The following RBFOX1 variants were observed in gnomAD, a reference collection of about 807,000 sequenced individuals.
RBFOX1 encodes the protein RNA binding fox-1 homolog 1, also known as RNA binding protein fox-1 homolog 1.
In RBFOX1, 8 loss-of-function variants were observed where a neutral mutation model predicts 57.7. The observed-to-expected ratio is 0.14, with a 90% CI of 0.08 to 0.25. The LOEUF (loss-of-function observed/expected upper bound fraction) is 0.25, where lower values mean the gene tolerates loss of function less well. Ranked by LOEUF, RBFOX1 falls within the 10% of genes least tolerant of loss-of-function variation. The pLI is 1.00. For missense variants in RBFOX1, 611 were observed against 548.5 expected (o/e 1.11, Z -1.14); for synonymous variants, 326 against 222.4 (o/e 1.47, Z -4.15).
chr16:7,050,164 T>C (rs2049506588), intron 3 of RBFOX1, among the ~76,000 whole-genome samples: 1 of 151,824 alleles, frequency 6.6e-6, no homozygotes, highest in South Asian at 2.1e-4. Context: ...CTTTTTTTTT[T>C]TGGATATTTA....
At chr16:7,013,743 A>G (rs1019789145) in intron 3 of RBFOX1, among the ~76,000 whole-genome samples, 40 of 151,662 alleles carry the variant, frequency 2.6e-4, no homozygotes, top group African/African-American at 9.0e-4. Context: ...CTGCAGCCTC[A>G]AACTCCCAGG....
intron 14 of RBFOX1, among the ~76,000 whole-genome samples, chr16:7,691,708 T>C (rs2077377836): frequency 2.0e-5 from 3 of 152,156 alleles, no homozygotes; most frequent in Non-Finnish European, 4.4e-5. Context: ...GCTTTCCTGA[T>C]GTCTAGCACA....
At chr16:5,254,618 A>G (rs1399255572) in intron 1 of RBFOX1, among the ~76,000 whole-genome samples, 1 of 152,084 alleles carries the variant, frequency 6.6e-6, no homozygotes, top group Admixed American at 6.5e-5. Flanking sequence ...TCTGTTCGAG[A>G]TTGCTTAGAA....
chr16:6,978,762 C>A (rs2087811996), intron 3 of RBFOX1, among the ~76,000 whole-genome samples: 1 of 152,200 alleles, frequency 6.6e-6, no homozygotes, highest in Non-Finnish European at 1.5e-5. Flanking sequence ...CAGATTTGAA[C>A]CCCAGTGGCC....
At chr16:5,899,774 G>C (rs2058262191) in intron 4 of RBFOX1, among the ~76,000 whole-genome samples, 1 of 152,158 alleles carries the variant, frequency 6.6e-6, no homozygotes. Flanking sequence ...TGAAAGCTAT[G>C]GCGACAGTTC....
At chr16:7,312,410 G>A (rs2096335537) in intron 4 of RBFOX1, among the ~76,000 whole-genome samples, 1 of 152,166 alleles carries the variant, frequency 6.6e-6, no homozygotes, top group South Asian at 2.1e-4. Flanking sequence ...ATGAAACAAA[G>A]GAAGGCAATA....
intron 4 of RBFOX1, among the ~76,000 whole-genome samples, chr16:7,340,767 G>C (rs1311833024): frequency 6.6e-6 from 1 of 152,200 alleles, no homozygotes; most frequent in East Asian, 1.9e-4. Context: ...CTAGTGACTT[G>C]TCCTATTCTG....
intron 3 of RBFOX1, among the ~76,000 whole-genome samples, chr16:5,866,098 G>C (rs1486366924): frequency 1.3e-5 from 2 of 152,174 alleles, no homozygotes; most frequent in Non-Finnish European, 2.9e-5. Flanking sequence ...CTCCCGAGTA[G>C]CTGCGATTAC....
intron 2 of RBFOX1, among the ~76,000 whole-genome samples, chr16:6,567,736 G>T (rs1366918080): frequency 6.6e-6 from 1 of 152,098 alleles, no homozygotes. Flanking sequence ...TTGTCCCTCA[G>T]GGCCACATTT....
intron 5 of RBFOX1, among the ~76,000 whole-genome samples, chr16:7,551,152 G>A (rs1450332502): frequency 6.6e-6 from 1 of 150,840 alleles, no homozygotes; most frequent in Middle Eastern, 3.2e-3. Context: ...CCACGATAGA[G>A]TAACAGGGAC....
intron 4 of RBFOX1, among the ~76,000 whole-genome samples, chr16:5,941,815 G>C (rs1375564034): frequency 6.6e-6 from 1 of 151,806 alleles, no homozygotes; most frequent in Non-Finnish European, 1.5e-5. Context: ...GTCTTGCTCC[G>C]TGCGAAATAG....
At chr16:6,087,676 A>G (rs2096108427) in intron 1 of RBFOX1, among the ~76,000 whole-genome samples, 1 of 148,180 alleles carries the variant, frequency 6.7e-6, no homozygotes, top group Non-Finnish European at 1.5e-5. Flanking sequence ...TTTTTTTGAG[A>G]TGGAGTCTTG....
At chr16:7,045,510 A>C (rs2047602784) in intron 3 of RBFOX1, among the ~76,000 whole-genome samples, 1 of 152,152 alleles carries the variant, frequency 6.6e-6, no homozygotes, top group African/African-American at 2.4e-5. Context: ...GGAATATGAT[A>C]ATGTGGTGCC....
chr16:5,363,011 T>C (rs1338340505), intron 1 of RBFOX1, among the ~76,000 whole-genome samples: 1 of 151,732 alleles, frequency 6.6e-6, no homozygotes, highest in East Asian at 1.9e-4. Flanking sequence ...AAATATCTCT[T>C]TGAGATGATG....
Position 7,186,227 on chromosome 16 carries a change from CAT to C in RBFOX1, c.27+134131_27+134132del, listed in dbSNP as rs1050812454. ...ATGTGTATATAAATATTTATATAAACATAAACATATTTATATAAACATAAACA... is the reference window on the plus strand; with the variant it reads ...ATGTGTATATAAATATTTATATAAACAAACATATTTATATAAACATAAACA... On this transcript the variant is annotated intron_variant, in intron 4 of 15. Coordinates refer to ENST00000550418, the MANE Select transcript of RBFOX1 (RefSeq NM_018723.4). 4.6e-4 allele frequency among the ~76,000 whole-genome samples: 61 copies of C among 132,880 alleles called. 3 individuals are homozygous for C. In the East Asian group the frequency reaches 7.7e-3, roughly 17 times the overall value. The allele number at this position is 132,880 out of a possible 152,430, so 87.2% of individuals were successfully genotyped here.
chr16:7,265,958 GTTTTTGTTT>G (rs1273071871), intron 4 of RBFOX1, among the ~76,000 whole-genome samples: 6 of 107,596 alleles, frequency 5.6e-5, no homozygotes, highest in African/African-American at 2.3e-4. Context: ...GATCTGGTGG[GTTTTTGTTT>G]TTTTTTTTTT....
intron 3 of RBFOX1, among the ~76,000 whole-genome samples, chr16:6,792,795 C>T (rs1469991400): frequency 1.3e-5 from 2 of 152,112 alleles, no homozygotes; most frequent in African/African-American, 2.4e-5. Context: ...CTCTGGGAGG[C>T]CGAGGCAGAT....
Position 6,257,193 on chromosome 16 carries a change from C to T in RBFOX1, c.-126-59802C>T, listed in dbSNP as rs142572856. Among the ~76,000 whole-genome samples, 62 of 152,160 alleles carry T rather than the reference C, an allele frequency of 4.1e-4. 1 individual carries two copies. Among genetic ancestry groups the T allele is most frequent in the African/African-American group, 1.4e-3 (57 of 41,504 alleles). ...GGTAAACATGTGCCACAGTGGTTTG[C>T]TGCACCTATGAACCCCTCACCTAGG... On this transcript the variant is annotated intron_variant, in intron 1 of 15. Coordinates refer to ENST00000550418, the MANE Select transcript of RBFOX1 (RefSeq NM_018723.4).
chr16:7,436,465 A>G (rs1174508131), intron 4 of RBFOX1, among the ~76,000 whole-genome samples: 2 of 152,222 alleles, frequency 1.3e-5, no homozygotes, highest in African/African-American at 4.8e-5. Flanking sequence ...ACTGTCAAAC[A>G]CAGGTGGAGA....
Sources: allele counts gnomAD v4.1 joint callset (sites outside exome capture counted in the v4.1 genomes callset), GRCh38; gene constraint gnomAD v4.1.1; transcripts MANE v1.5; gene names NCBI Gene and HGNC (gene_info 2026-07-23, HGNC 2026-07-21).